Variants in ARID2 observed in about 807,000 individuals in gnomAD.
The protein encoded by ARID2 is AT-rich interaction domain 2.
Under a neutral mutation model 184.6 loss-of-function variants are expected in ARID2, and 32 were observed. The ratio of observed to expected loss-of-function variants is 0.17; its 90% CI spans 0.13 to 0.23. The LOEUF (loss-of-function observed/expected upper bound fraction) is 0.23, where lower values mean the gene tolerates loss of function less well. Ranked by LOEUF, ARID2 falls within the 10% of genes least tolerant of loss-of-function variation. ARID2 has a pLI of 1.00. For synonymous variants in ARID2, 836 were observed against 772.6 expected, an observed-to-expected ratio of 1.08 and a Z score of -1.36; for missense variants, 1,696 against 2,197.6, an observed-to-expected ratio of 0.77 and a Z score of 4.56.
chr12:45,853,761 G>A lies in ARID2; in HGVS notation c.4773+865G>A, dbSNP rs1371317372. ...TGCCAACTCTGCTGACACAGTTCTG[G>A]CTTGGGCTTCTGTATGGTTACGGTG... On this transcript the variant is annotated intron_variant, in intron 15 of 20. Transcript: ENST00000334344. Among the ~76,000 whole-genome samples the A allele has an allele frequency of 2.0e-5, 3 of 152,280 alleles. No individual in the cohort carries two copies. The South Asian group carries it at 6.2e-4, about 32-fold the overall frequency.
In ARID2 at chr12:45,851,483, A is replaced by G. The variant is rs747481654; in HGVS notation, c.3360A>G (p.Leu1120=). ...GVQGQTPAQQ[L]LVGQQNVQLV... ...AGGGGCAAACTCCAGCTCAGCAGCTATTGGTTGGGCAGCAAAATGTTCAGT... is the reference window on the plus strand; with the variant it reads ...AGGGGCAAACTCCAGCTCAGCAGCTGTTGGTTGGGCAGCAAAATGTTCAGT... Residue 1120 remains leucine, a synonymous_variant, in exon 15 of 21, where the codon CTA becomes CTG. Coordinates refer to ENST00000334344, the MANE Select transcript of ARID2 (RefSeq NM_152641.4). 8.7e-6 allele frequency: 14 copies of G among 1,613,992 alleles called. No individual in the cohort carries two copies. The highest frequency in any genetic ancestry group is 1.7e-5 in the Admixed American group (1 of 59,992).
At chr12:45,814,702 A>G (rs2138087697) in intron 4 of ARID2, among the ~76,000 whole-genome samples, 1 of 152,254 alleles carries the variant, frequency 6.6e-6, no homozygotes, top group South Asian at 2.1e-4. Flanking sequence ...TAGCTACTCA[A>G]CCATATCTCC....
intron 6 of ARID2, among the ~76,000 whole-genome samples, chr12:45,830,039 A>T (rs555705505): frequency 5.5e-4 from 82 of 149,416 alleles, no homozygotes; most frequent in African/African-American, 2.0e-3. Context: ...GAAGATTTTT[A>T]AAAATCTTTT....
At chr12:45,779,447 T>G (rs1942047683) in intron 3 of ARID2, among the ~76,000 whole-genome samples, 1 of 152,138 alleles carries the variant, frequency 6.6e-6, no homozygotes, top group Non-Finnish European at 1.5e-5. Context: ...GAAAATGTTA[T>G]TTTACATTAT....
intron 3 of ARID2, among the ~76,000 whole-genome samples, chr12:45,793,157 G>A (rs74852055): frequency 2.7e-3 from 417 of 151,958 alleles, no homozygotes; most frequent in African/African-American, 9.6e-3. Flanking sequence ...AAAATTAGCC[G>A]GGTATGCTGT....
At position 45,905,952 on chromosome 12, in the gene ARID2, C is replaced by CTTTTTTTTTTTTTTTTTTTT. The variant is rs200988904; in HGVS notation, c.*885_*886insTTTTTTTTTTTTTTTTTTTT. On this transcript the variant is annotated 3_prime_UTR_variant, in exon 21 of 21. Transcript: ENST00000334344. The stretch of plus-strand genomic sequence containing the variant: ...TTTTTTCTTTTTTCTTTTTTTTTTT[C>CTTTTTTTTTTTTTTTTTTTT]TTTTTTTTTTTGTATTATACACCTT... 26 of 137,266 alleles carry CTTTTTTTTTTTTTTTTTTTT rather than the reference C, an allele frequency of 1.9e-4. No homozygotes were observed. Among genetic ancestry groups the CTTTTTTTTTTTTTTTTTTTT allele is most frequent in the African/African-American group, 4.1e-4 (12 of 29,258 alleles). The allele number at this position is 137,266 out of a possible 1,614,324, so 8.5% of individuals were successfully genotyped here.
intron 16 of ARID2, among the ~76,000 whole-genome samples, chr12:45,869,983 A>G (rs561127515): frequency 2.0e-5 from 3 of 151,802 alleles, no homozygotes; most frequent in East Asian, 3.9e-4. Context: ...AAGCTAATAA[A>G]CCATTTTTTT....
rs1565592006 is a variant in ARID2, at chr12:45,776,961, T to G, written c.285-34457T>G. Among the ~76,000 whole-genome samples, 4 of 151,474 alleles carry G rather than the reference T, an allele frequency of 2.6e-5. No homozygotes were observed. In the South Asian group the frequency reaches 6.3e-4, roughly 24 times the overall value. On this transcript the variant is annotated intron_variant, in intron 3 of 20. Transcript: ENST00000334344. Reference sequence around the variant, plus strand: ...CCATGCCCAGCTAATTTATGTGGTTTTTTTTTTTAAAGTAGAGATGGGGTT... The same window carrying G: ...CCATGCCCAGCTAATTTATGTGGTTGTTTTTTTTAAAGTAGAGATGGGGTT...
intron 20 of ARID2, among the ~76,000 whole-genome samples, chr12:45,901,701 C>T (rs1286843367): frequency 6.6e-6 from 1 of 152,016 alleles, no homozygotes; most frequent in African/African-American, 2.4e-5. Flanking sequence ...TGCTCTGTTA[C>T]CCAGGCTGGA....
chr12:45,896,121 G>T (rs1305754338), intron 20 of ARID2, among the ~76,000 whole-genome samples: 1 of 152,236 alleles, frequency 6.6e-6, no homozygotes, highest in Non-Finnish European at 1.5e-5. Context: ...GGTGAGGGTT[G>T]CAGATGCAGT....
chr12:45,874,392 T>A (rs898594441), intron 16 of ARID2: 1 of 189,572 alleles, frequency 5.3e-6, no homozygotes, highest in African/African-American at 2.3e-5. Flanking sequence ...ATCAACTAAG[T>A]TTATGTAATA....
At chr12:45,831,038 C>CT (rs1943111275) in intron 6 of ARID2, among the ~76,000 whole-genome samples, 1 of 146,928 alleles carries the variant, frequency 6.8e-6, no homozygotes, top group South Asian at 2.1e-4. Context: ...GAACGAGACT[C>CT]TGTCAAAAAA....
chr12:45,904,900 G>A, intron 20 of ARID2, 34 bp from the exon 21 acceptor site: 1 of 1,607,954 alleles, frequency 6.2e-7, no homozygotes, highest in Non-Finnish European at 8.5e-7. Context: ...CTGTGACCTT[G>A]GAGACTGACA....
intron 16 of ARID2, among the ~76,000 whole-genome samples, chr12:45,885,345 G>A (rs1479156635): frequency 6.6e-6 from 1 of 151,852 alleles, no homozygotes; most frequent in Admixed American, 6.6e-5. Context: ...TTTTTTGGAT[G>A]TATAGTCTCA....
At chr12:45,904,879 A>G in intron 20 of ARID2, 55 bp from the exon 21 acceptor site, 1 of 1,589,234 alleles carries the variant, frequency 6.3e-7, no homozygotes, top group Non-Finnish European at 8.6e-7. Context: ...ATTCATGATA[A>G]AGAGTCATCG....
chr12:45,824,003 A>G (rs920627866), intron 6 of ARID2, among the ~76,000 whole-genome samples: 3 of 152,174 alleles, frequency 2.0e-5, no homozygotes, highest in Admixed American at 6.6e-5. Context: ...GGAGGTCAGT[A>G]TCTGTGACGA....
At chr12:45,899,018 A>C (rs924348189) in intron 20 of ARID2, among the ~76,000 whole-genome samples, 3 of 152,080 alleles carry the variant, frequency 2.0e-5, no homozygotes, top group African/African-American at 7.2e-5. Flanking sequence ...TCATGCCTGT[A>C]ATCCCAGTAC....
intron 3 of ARID2, among the ~76,000 whole-genome samples, chr12:45,753,482 A>G (rs181108652): frequency 7.9e-5 from 12 of 152,308 alleles, no homozygotes. Flanking sequence ...TGTACCTTAT[A>G]GAGTTGTTTT....
intron 16 of ARID2, among the ~76,000 whole-genome samples, chr12:45,862,874 G>T (rs1470529812): frequency 1.4e-5 from 2 of 143,692 alleles, no homozygotes; most frequent in Non-Finnish European, 3.1e-5. Context: ...GATTAAACAG[G>T]GCTTCTTAGA....
Sources: gnomAD v4.1 joint callset for allele counts (sites outside exome capture counted in the v4.1 genomes callset) on GRCh38, gnomAD v4.1.1 for gene constraint, MANE v1.5 for transcripts, NCBI Gene and HGNC (gene_info 2026-07-23, HGNC 2026-07-21) for gene names.